USP11: variants seen among roughly 807,000 people sequenced by gnomAD.
USP11 encodes ubiquitin specific peptidase 11, also known as ubiquitin carboxyl-terminal hydrolase 11.
In USP11, 5 loss-of-function variants were observed where a neutral mutation model predicts 72.8. The observed-to-expected ratio is 0.07, with a 90% confidence interval of 0.04 to 0.14. The LOEUF is 0.14. Among genes scored for constraint, USP11 ranks in the 10% least tolerant of loss-of-function variants. The pLI, the probability that USP11 is intolerant of heterozygous loss-of-function variation, is 1.00. For missense variants in USP11, 480 were observed against 794.7 expected (o/e 0.60, Z 4.76); for synonymous variants, 368 against 326.5 (o/e 1.13, Z -1.37).
intron 3 of USP11, 126 bp downstream of exon 3, chrX:47,239,607 C>T: frequency 1.9e-6 from 2 of 1,050,044 alleles, no homozygotes; most frequent in Middle Eastern, 3.3e-4. Flanking sequence ...CCCCTCCTAG[C>T]TCATCATACA....
At chrX:47,237,142 G>C (rs1005114353) in intron 1 of USP11, among the ~76,000 whole-genome samples, 1 of 112,074 alleles carries the variant, frequency 8.9e-6, no homozygotes, top group African/African-American at 3.2e-5. Context: ...AAGAAGTTGA[G>C]CAGTGCCTAC....
At chrX:47,246,162 C>A (rs930939275) in intron 17 of USP11, among the ~76,000 whole-genome samples, 1 of 112,513 alleles carries the variant, frequency 8.9e-6, no homozygotes, top group African/African-American at 3.2e-5. Context: ...AGCGATGCCA[C>A]TTGATGTGAT....
At chrX:47,243,836 C>CTTG in intron 13 of USP11, among the ~76,000 whole-genome samples, 1 of 112,129 alleles carries the variant, frequency 8.9e-6, no homozygotes, top group Non-Finnish European at 1.9e-5. Context: ...ACAACTTCAT[C>CTTG]TTGTCTTCAG....
intron 12 of USP11, 62 bp from the exon 13 acceptor site, chrX:47,243,334 G>C (rs1161718548): frequency 1.7e-6 from 2 of 1,147,708 alleles, no homozygotes; most frequent in African/African-American, 3.6e-5. Context: ...GGGGCAGCCA[G>C]GGCAGAGTCA....
rs772397339 is a variant in USP11, at chrX:47,244,801, C to T, written c.1963C>T (p.Leu655=). The change falls in exon 15 of 21, where the codon CTG becomes TTG. Residue 655 remains leucine (L), a synonymous_variant. Coordinates refer to ENST00000377107, the MANE Select transcript of USP11 (RefSeq NM_001371072.1). ...SGVTNRCPFL[L]DNCLGTSQWP... ...AGTCACGAACAGGTGCCCGTTCCTCCTGGACAATTGCCTTGGCACATCTCA... is the reference window on the plus strand; with the variant it reads ...AGTCACGAACAGGTGCCCGTTCCTCTTGGACAATTGCCTTGGCACATCTCA... 1 of 1,211,218 alleles carries T rather than the reference C, an allele frequency of 8.3e-7. No homozygotes were observed. Among genetic ancestry groups the T allele is most frequent in the Non-Finnish European group, 1.1e-6 (1 of 895,340 alleles).
In USP11 at chrX:47,244,038, C is replaced by G. The variant is rs192600308; in HGVS notation, c.1790+436C>G. On this transcript the variant is annotated intron_variant, in intron 13 of 20. Coordinates refer to ENST00000377107, the MANE Select transcript of USP11 (RefSeq NM_001371072.1). ...AGAGGCTTTCCCTGATGGGAAGTTA[C>G]AGCCGGTATGTGTCTTGTCTAGCAG... Among the ~76,000 whole-genome samples, 394 of 110,596 alleles carry G rather than the reference C, an allele frequency of 3.6e-3. 1 individual carries two copies. Among genetic ancestry groups the G allele is most frequent in the Non-Finnish European group, 5.7e-3 (299 of 52,884 alleles).
At position 47,233,103 on chromosome X, in the gene USP11, G is replaced by A. The variant is rs944203674; in HGVS notation, c.60G>A (p.Ala20=). 21 of 1,196,847 alleles carry A rather than the reference G, an allele frequency of 1.8e-5. No homozygotes were observed. The highest frequency in any genetic ancestry group is 2.4e-5 in the Non-Finnish European group (21 of 888,274). The change falls in exon 1 of 21, where the codon GCG becomes GCA. Residue 20 remains alanine (A), a synonymous_variant. Coordinates refer to ENST00000377107, the MANE Select transcript of USP11 (RefSeq NM_001371072.1). Reference sequence around the variant, plus strand: ...CGGCGGCTGTGGCGGCGGCAGCGGCGGTGACTGAGGATAGAGAGCCACAGC... The same window carrying A: ...CGGCGGCTGTGGCGGCGGCAGCGGCAGTGACTGAGGATAGAGAGCCACAGC... ...AAAAAVAAAA[A]VTEDREPQHE... is the part of the protein sequence containing the mutation.
At position 47,239,428 on chromosome X, in the gene USP11, T is replaced by A; in HGVS notation, c.364T>A (p.Tyr122Asn). The change falls in exon 3 of 21, where the codon TAC becomes AAC. Residue 122 changes from tyrosine (Y) to asparagine (N), a missense_variant. Tyr to Asn is a moderately radical substitution (Grantham distance 143, BLOSUM62 -2). Around this residue, in one of 5 missense-constraint regions of USP11, gnomAD observed 14 missense variants for 46.4 expected, o/e 0.30. Coordinates refer to ENST00000377107, the MANE Select transcript of USP11 (RefSeq NM_001371072.1). ...YVLLPAAAWH[Y>N]LVSWYGLEHG... ...GCTGCTCCCAGCAGCTGCTTGGCAT[T>A]ACCTGGTCAGCTGGTATGGTCTAGA... is the stretch of plus-strand genomic sequence containing the variant. 1.7e-6 allele frequency: 2 copies of A among 1,211,805 alleles called. No homozygotes were observed. Among genetic ancestry groups the A allele is most frequent in the Non-Finnish European group, 2.2e-6 (2 of 895,484 alleles).
intron 1 of USP11, among the ~76,000 whole-genome samples, chrX:47,237,924 T>G (rs930806756): frequency 9.1e-5 from 10 of 110,261 alleles, no homozygotes; most frequent in African/African-American, 3.3e-4. Context: ...TTAGCACTTA[T>G]TATATGTCAA....
At position 47,247,636 on chromosome X, in the gene USP11, C is replaced by T. The variant is rs1351725431; in HGVS notation, c.2562C>T (p.Asp854=). The change falls in exon 20 of 21, where the codon GAC becomes GAT. Residue 854 remains aspartate (D), a synonymous_variant. Transcript: ENST00000377107. ...GHYTTFACNK[D]SGQWHYFDDN... is the part of the protein sequence containing the mutation. ...ACACAACATTTGCCTGCAACAAGGA[C>T]AGCGGCCAGTGGCACTACTTTGATG... 2.5e-6 allele frequency: 3 copies of T among 1,211,395 alleles called. No homozygotes were observed. The highest frequency in any genetic ancestry group is 2.2e-5 in the Admixed American group (1 of 45,983).
In USP11 at chrX:47,245,408, G is replaced by A. The variant is rs1327881475; in HGVS notation, c.2196G>A (p.Lys732=). Residue 732 remains lysine (K), a synonymous_variant, in exon 17 of 21, where the codon AAG becomes AAA. Coordinates refer to ENST00000377107, the MANE Select transcript of USP11 (RefSeq NM_001371072.1). ...VKHDCVGYVM[K]KAPVRLQECI... is the part of the protein sequence containing the mutation. ...ATGACTGCGTCGGGTACGTGATGAA[G>A]AAGGCTCCCGTGCGGCTGCAGGAGT... 3 of 1,210,264 alleles carry A rather than the reference G, an allele frequency of 2.5e-6. No individual in the cohort carries two copies. The highest frequency in any genetic ancestry group is 3.0e-5 in the East Asian group (1 of 33,785).
At chrX:47,233,421 G>A (rs1235613345) in intron 1 of USP11, 2 of 1,070,715 alleles carry the variant, frequency 1.9e-6, no homozygotes, top group Non-Finnish European at 2.4e-6. Context: ...GGGCCTGTGT[G>A]GTGCAGTCTG....
In USP11 at chrX:47,245,362, A is replaced by G. The variant is rs375193421; in HGVS notation, c.2158-8A>G. On this transcript the variant is annotated splice_region_variant and splice_polypyrimidine_tract_variant and intron_variant, in intron 16 of 20. Coordinates refer to ENST00000377107, the MANE Select transcript of USP11 (RefSeq NM_001371072.1). Reference sequence around the variant, plus strand: ...CGGCCATCTGGTTGTCTGTTCACCCAATCCTAGGGCTACGTGAAGCATGAC... The same window carrying G: ...CGGCCATCTGGTTGTCTGTTCACCCGATCCTAGGGCTACGTGAAGCATGAC... 9 of 1,203,692 alleles carry G rather than the reference A, an allele frequency of 7.5e-6. No homozygotes were observed. In the African/African-American group the frequency reaches 1.2e-4, roughly 16 times the overall value.
At chrX:47,246,882 A>G (rs778953842) in intron 17 of USP11, among the ~76,000 whole-genome samples, 190 bp from the exon 18 acceptor site, 47 of 110,359 alleles carry the variant, frequency 4.3e-4, no homozygotes, top group Non-Finnish European at 7.4e-4. Context: ...TTAGCAGGGC[A>G]TGGTGGTGCA....
At position 47,239,189 on chromosome X, in the gene USP11, C is replaced by T. The variant is rs1466170666; in HGVS notation, c.286+10C>T. The T allele has an allele frequency of 4.2e-6, 5 of 1,198,357 alleles. No homozygotes were observed. The Admixed American group carries it at 8.9e-5, about 21-fold the overall frequency. On this transcript the variant is annotated intron_variant, in intron 2 of 20. Coordinates refer to ENST00000377107, the MANE Select transcript of USP11 (RefSeq NM_001371072.1). ...GCCACACTCTTTCAAGGTACAAGGC[C>T]TTTGCCTCCTTCTCACCCTAGCCCT... is the stretch of plus-strand genomic sequence containing the variant.
Position 47,241,523 on chromosome X carries a change from C to G in USP11, c.1021-18C>G. 1 of 1,191,883 alleles carries G rather than the reference C, an allele frequency of 8.4e-7. No individual in the cohort carries two copies. The highest frequency in any genetic ancestry group is 1.1e-6 in the Non-Finnish European group (1 of 884,450). On this transcript the variant is annotated intron_variant, in intron 8 of 20. Transcript: ENST00000377107. ...TCCTAACTCCCTCTCTCTCTGATGA[C>G]CCTGCCCATCTTCTTAGAACAAGGT...
Position 47,240,633 on chromosome X carries a change from C to T in USP11, c.728C>T (p.Ala243Val). The part of the protein sequence containing the change: ...TRKKDGTWPS[A>V]QLHVMNNNMS... ...AAGAAAGATGGCACTTGGCCCAGCG[C>T]ACAGCTGCATGTCATGTGAGCCCTT... The change falls in exon 6 of 21, where the codon GCA becomes GTA. Residue 243 changes from alanine (A) to valine (V), a missense_variant. Physicochemically the swap from Ala to Val is moderately conservative, Grantham distance 64. Around this residue, in one of 5 missense-constraint regions of USP11, gnomAD observed 80 missense variants for 100.9 expected, o/e 0.79. Transcript: ENST00000377107. The T allele has an allele frequency of 8.3e-7, 1 of 1,212,111 alleles. No individual in the cohort carries two copies. The highest frequency in any genetic ancestry group is 1.1e-6 in the Non-Finnish European group (1 of 895,607).
chrX:47,244,898 G>A lies in USP11; in HGVS notation c.2060G>A (p.Arg687His), dbSNP rs1223922759. ...GTGAACTCCAATGGGACCAGCGACC[G>A]CACAACCTCCCCTGAAGAAGTCCAT... ...QTVNSNGTSDRTTSPEEVHAQ... is the reference protein window; with the variant it reads ...QTVNSNGTSDHTTSPEEVHAQ... The change falls in exon 15 of 21, where the codon CGC (arginine) becomes CAC (histidine). Residue 687 changes from arginine (R) to histidine (H), a missense_variant. Around this residue, in one of 5 missense-constraint regions of USP11, gnomAD observed 314 missense variants for 556.0 expected, o/e 0.56. Coordinates refer to ENST00000377107, the MANE Select transcript of USP11 (RefSeq NM_001371072.1). 2.5e-6 allele frequency: 3 copies of A among 1,211,849 alleles called. No individual in the cohort carries two copies. Among genetic ancestry groups the A allele is most frequent in the East Asian group, 3.0e-5 (1 of 33,845 alleles).
chrX:47,242,277 C>G lies in USP11; in HGVS notation c.1375C>G (p.Pro459Ala). The G allele has an allele frequency of 1.7e-6, 2 of 1,211,838 alleles. No individual in the cohort carries two copies. The highest frequency in any genetic ancestry group is 2.2e-6 in the Non-Finnish European group (2 of 895,512). The change falls in exon 10 of 21, where the codon CCC (proline) becomes GCC (alanine). Residue 459 changes from proline (P) to alanine (A), a missense_variant. Pro to Ala is a conservative substitution (Grantham distance 27). Coordinates refer to ENST00000377107, the MANE Select transcript of USP11 (RefSeq NM_001371072.1). ...GAGGGTCTTGGAGGTCTTCTTTATCCCCATGGATCCGCGCCGCAAGCCAGA... is the reference window on the plus strand; with the variant it reads ...GAGGGTCTTGGAGGTCTTCTTTATCGCCATGGATCCGCGCCGCAAGCCAGA... ...HKRVLEVFFI[P>A]MDPRRKPEQH...
Sources: allele counts gnomAD v4.1 joint callset (sites outside exome capture counted in the v4.1 genomes callset), GRCh38; gene constraint gnomAD v4.1.1; regional missense constraint gnomAD v4.1.1; transcripts MANE v1.5; gene names NCBI Gene and HGNC (gene_info 2026-07-23, HGNC 2026-07-21).